ASB3: variants seen among roughly 807,000 people sequenced by gnomAD.
ASB3 encodes ankyrin repeat and SOCS box protein 3.
A neutral mutation model predicts 54.5 loss-of-function variants in ASB3; 41 were observed. The ratio of observed to expected loss-of-function variants is 0.75; its 90% CI spans 0.59 to 0.98. ASB3 has a LOEUF of 0.98. Ranked by LOEUF, ASB3 falls within the 50% of genes least tolerant of loss-of-function variation. The probability of loss-of-function intolerance (pLI) is 0.00; values close to 1 mark genes in which losing one functional copy is unlikely to be tolerated. For missense variants in ASB3, 733 were observed against 620.0 expected (o/e 1.18, Z -1.94); for synonymous variants, 266 against 221.2 (o/e 1.20, Z -1.80).
At chr2:53,774,481 G>C (rs779958309) in intron 1 of ASB3, 2 of 1,582,310 alleles carry the variant, frequency 1.3e-6, no homozygotes, top group Non-Finnish European at 1.7e-6. Context: ...GGAAAAATTA[G>C]TAAAGGAACG....
chr2:53,725,426 C>A (rs1164562710), intron 5 of ASB3, among the ~76,000 whole-genome samples: 2 of 152,236 alleles, frequency 1.3e-5, no homozygotes, highest in African/African-American at 4.8e-5. Flanking sequence ...TGCATACCCT[C>A]TGAATCTGAA....
intron 2 of ASB3, among the ~76,000 whole-genome samples, chr2:53,753,443 A>C (rs1168109997): frequency 6.6e-6 from 1 of 152,218 alleles, no homozygotes; most frequent in Non-Finnish European, 1.5e-5. Context: ...GTTCTGGAGT[A>C]GAGTCCAGAC....
intron 7 of ASB3, among the ~76,000 whole-genome samples, chr2:53,703,360 G>A (rs1385263677): frequency 6.6e-6 from 1 of 152,190 alleles, no homozygotes. Context: ...CCTGGGAGTG[G>A]TGAAAGGAGC....
chr2:53,684,254 A>T (rs2103682170), intron 9 of ASB3, among the ~76,000 whole-genome samples: 1 of 152,338 alleles, frequency 6.6e-6, no homozygotes, highest in East Asian at 1.9e-4. Flanking sequence ...CACATTTGGC[A>T]CTAACTAACA....
intron 3 of ASB3, among the ~76,000 whole-genome samples, chr2:53,735,134 G>A (rs1671549479): frequency 6.6e-6 from 1 of 151,862 alleles, no homozygotes; most frequent in Admixed American, 6.6e-5. Flanking sequence ...TAGTTAGGCT[G>A]GTCTTAAACT....
Position 53,725,796 on chromosome 2 carries a change from T to C in ASB3, c.604+2916A>G, listed in dbSNP as rs10199057. Among the ~76,000 whole-genome samples, 848 of 152,330 alleles carry C rather than the reference T, an allele frequency of 5.6e-3. 11 individuals are homozygous for C. The highest frequency in any genetic ancestry group is 0.019 in the African/African-American group (804 of 41,566). On this transcript the variant is annotated intron_variant, in intron 5 of 9. Transcript: ENST00000263634. ...CACAAATGGTAAATTAAAGAGTCTA[T>C]AGATCCTTCAGAAATTTCTCATGAT...
At chr2:53,774,187 G>T (rs1188048392) in intron 1 of ASB3, 5 of 1,612,818 alleles carry the variant, frequency 3.1e-6, no homozygotes, top group Admixed American at 1.7e-5. Flanking sequence ...AGGAAAGGAA[G>T]AAGAAGTAAA....
At chr2:53,716,366 C>T (rs1670390547) in intron 6 of ASB3, among the ~76,000 whole-genome samples, 200 bp downstream of exon 6, 1 of 151,908 alleles carries the variant, frequency 6.6e-6, no homozygotes, top group Non-Finnish European at 1.5e-5. Context: ...AGCAATTCTG[C>T]CTCACAATAT....
intron 1 of ASB3, among the ~76,000 whole-genome samples, chr2:53,766,948 A>C (rs1449425255): frequency 6.6e-6 from 1 of 152,230 alleles, no homozygotes; most frequent in East Asian, 1.9e-4. Context: ...TTTCACACAC[A>C]GAGACACAGC....
chr2:53,770,448 A>C (rs907677521), intron 1 of ASB3, among the ~76,000 whole-genome samples: 2 of 149,154 alleles, frequency 1.3e-5, no homozygotes. Context: ...GAATGATGTT[A>C]AGGTATCAGT....
At chr2:53,671,461 T>C (rs924401094) in intron 9 of ASB3, among the ~76,000 whole-genome samples, 1 of 151,086 alleles carries the variant, frequency 6.6e-6, no homozygotes, top group African/African-American at 2.4e-5. Context: ...ATGCACATAA[T>C]TAAGAACTGT....
At chr2:53,750,330 C>G (rs1181205464) in intron 3 of ASB3, among the ~76,000 whole-genome samples, 2 of 152,082 alleles carry the variant, frequency 1.3e-5, no homozygotes, top group Admixed American at 1.3e-4. Context: ...CAGAAGAGGT[C>G]TGAATTAAAA....
intron 7 of ASB3, among the ~76,000 whole-genome samples, chr2:53,713,488 C>T (rs936126793): frequency 6.6e-6 from 1 of 152,184 alleles, no homozygotes. Flanking sequence ...GTGTTATAGA[C>T]AAAGTTACTG....
intron 9 of ASB3, among the ~76,000 whole-genome samples, chr2:53,675,377 TTAAA>T (rs1479012538): frequency 6.6e-6 from 1 of 152,232 alleles, no homozygotes; most frequent in Non-Finnish European, 1.5e-5. Flanking sequence ...GATATATACT[TTAAA>T]TAATTTCATT....
Position 53,676,527 on chromosome 2 carries a change from AATT to A in ASB3, c.1370-5840_1370-5838del, listed in dbSNP as rs1427513123. ...CCACAAGATTATAATGGAGCTGAAA[AATT>A]ATTATTATCTAGTGATGTCACAGGT... On this transcript the variant is annotated intron_variant, in intron 9 of 9. Coordinates refer to ENST00000263634, the MANE Select transcript of ASB3 (RefSeq NM_016115.5). Among the ~76,000 whole-genome samples the A allele has an allele frequency of 7.9e-5, 12 of 152,332 alleles. No homozygotes were observed. In the East Asian group the frequency reaches 1.9e-3, roughly 24 times the overall value.
At chr2:53,689,866 A>G (rs1192467185) in intron 9 of ASB3, among the ~76,000 whole-genome samples, 1 of 152,172 alleles carries the variant, frequency 6.6e-6, no homozygotes, top group Non-Finnish European at 1.5e-5. Flanking sequence ...TCCAATTTGC[A>G]ATACAAAATA....
chr2:53,670,591 A>G lies in ASB3; in HGVS notation c.1469T>C (p.Leu490Pro). Residue 490 changes from leucine (L) to proline (P), a missense_variant, in exon 10 of 10, where the codon CTT becomes CCT. Leu to Pro is a moderately conservative substitution (Grantham distance 98). Coordinates refer to ENST00000263634, the MANE Select transcript of ASB3 (RefSeq NM_016115.5). ...CAAATAATTATGTAGGCTTCTGGGAAGTGGCAGCTGACTAATATAACTGTC... is the reference window on the plus strand; with the variant it reads ...CAAATAATTATGTAGGCTTCTGGGAGGTGGCAGCTGACTAATATAACTGTC... ...RSDSYISQLP[L>P]PRSLHNYLLY... 6.2e-7 allele frequency: 1 copy of G among 1,614,042 alleles called. No homozygotes were observed. The highest frequency in any genetic ancestry group is 8.5e-7 in the Non-Finnish European group (1 of 1,179,982).
chr2:53,683,150 G>A (rs148335054), intron 9 of ASB3, among the ~76,000 whole-genome samples: 71 of 152,140 alleles, frequency 4.7e-4, no homozygotes, highest in Middle Eastern at 6.8e-3. Context: ...AGGCATACCC[G>A]GTTTTTTGAG....
intron 7 of ASB3, among the ~76,000 whole-genome samples, chr2:53,707,329 T>C (rs192076609): frequency 3.0e-4 from 45 of 152,286 alleles, no homozygotes; most frequent in Admixed American, 1.4e-3. Flanking sequence ...ATTGGCACCA[T>C]CTTGTTAGCT....
Sources: allele counts gnomAD v4.1 joint callset (sites outside exome capture counted in the v4.1 genomes callset), GRCh38; gene constraint gnomAD v4.1.1; transcripts MANE v1.5; gene names NCBI Gene and HGNC (gene_info 2026-07-23, HGNC 2026-07-21).